Variants in DMD observed in about 807,000 individuals in gnomAD.
The protein encoded by DMD is dystrophin, also known as mutant dystrophin.
A neutral mutation model predicts 330.1 loss-of-function variants in DMD; 63 were observed. The ratio of observed to expected loss-of-function variants is 0.19; its 90% CI spans 0.16 to 0.24. The LOEUF is 0.24. Among genes scored for constraint, DMD ranks in the 10% least tolerant of loss-of-function variants. The probability of loss-of-function intolerance (pLI) is 1.00; values close to 1 mark genes in which losing one functional copy is unlikely to be tolerated. For synonymous variants in DMD, 1,223 were observed against 959.8 expected (o/e 1.27, Z -5.07); for missense variants, 3,344 against 2,684.1 (o/e 1.25, Z -5.43).
At chrX:32,604,059 G>C (rs2056460508) in intron 12 of DMD, among the ~76,000 whole-genome samples, 1 of 110,428 alleles carries the variant, frequency 9.1e-6, no homozygotes, top group Non-Finnish European at 1.9e-5. Flanking sequence ...GGAAACCACA[G>C]GCCAATATCC....
intron 50 of DMD, among the ~76,000 whole-genome samples, chrX:31,781,721 G>A (rs1269855117): frequency 9.0e-6 from 1 of 111,077 alleles, no homozygotes; most frequent in Admixed American, 9.6e-5. Context: ...TGACATTTTT[G>A]TCCCAGATAA....
chrX:31,310,224 TA>T (rs2055389557), intron 62 of DMD, among the ~76,000 whole-genome samples: 1 of 108,571 alleles, frequency 9.2e-6, no homozygotes, highest in African/African-American at 3.4e-5. Flanking sequence ...TATATATATA[TA>T]TGTGTGTGTG....
At chrX:32,539,409 G>A (rs898898169) in intron 17 of DMD, among the ~76,000 whole-genome samples, 1 of 110,519 alleles carries the variant, frequency 9.0e-6, no homozygotes, top group African/African-American at 3.3e-5. Context: ...AAAAAAAGAA[G>A]CAAATCATCT....
At chrX:32,885,827 G>GTA (rs1557115361) in intron 2 of DMD, among the ~76,000 whole-genome samples, 2 of 64,942 alleles carry the variant, frequency 3.1e-5, no homozygotes, top group Non-Finnish European at 2.8e-5. Context: ...CCTTGAGGGG[G>GTA]AAAAAAAAAA....
intron 1 of DMD, among the ~76,000 whole-genome samples, chrX:33,085,179 T>G (rs2094986623): frequency 8.9e-6 from 1 of 111,779 alleles, no homozygotes; most frequent in South Asian, 3.8e-4. Context: ...GGAAATAACT[T>G]GTTTGGTGAA....
intron 17 of DMD, among the ~76,000 whole-genome samples, chrX:32,532,927 T>A (rs1015606477): frequency 1.8e-5 from 2 of 112,348 alleles, no homozygotes; most frequent in African/African-American, 6.5e-5. Context: ...GGGACAAATA[T>A]GGTCTGCCAT....
At chrX:32,676,970 TAA>T (rs1158062179) in intron 9 of DMD, among the ~76,000 whole-genome samples, 1 of 111,867 alleles carries the variant, frequency 8.9e-6, no homozygotes, top group Non-Finnish European at 1.9e-5. Context: ...AAAATATATG[TAA>T]GAGTTTTTCA....
chrX:33,299,790 G>T (rs2053636231), intron 1 of DMD, among the ~76,000 whole-genome samples: 1 of 111,714 alleles, frequency 9.0e-6, no homozygotes, highest in African/African-American at 3.3e-5. Flanking sequence ...ATTACAGTTT[G>T]AATAAATTTT....
chrX:32,259,962 C>A (rs1202332538), intron 43 of DMD, among the ~76,000 whole-genome samples: 1 of 111,520 alleles, frequency 9.0e-6, no homozygotes, highest in African/African-American at 3.3e-5. Flanking sequence ...AGCATCTGAG[C>A]AGGGCATGGA....
chrX:33,287,232 T>C (rs1193452004), intron 1 of DMD, among the ~76,000 whole-genome samples: 1 of 111,555 alleles, frequency 9.0e-6, no homozygotes, highest in Non-Finnish European at 1.9e-5. Flanking sequence ...GATATGGATC[T>C]AATTAATACA....
intron 37 of DMD, among the ~76,000 whole-genome samples, chrX:32,349,513 A>G (rs1311965696): frequency 1.8e-5 from 2 of 111,358 alleles, no homozygotes; most frequent in Non-Finnish European, 3.8e-5. Flanking sequence ...TTTTGCCAAG[A>G]CGATTACATT....
chrX:31,737,651 C>A (rs188491996), intron 51 of DMD, among the ~76,000 whole-genome samples: 1 of 112,289 alleles, frequency 8.9e-6, no homozygotes, highest in East Asian at 2.8e-4. Flanking sequence ...TATTGGTCAA[C>A]CTCCTAGGGT....
At chrX:31,511,421 C>T (rs1411278607) in intron 55 of DMD, among the ~76,000 whole-genome samples, 93 of 102,830 alleles carry the variant, frequency 9.0e-4, no homozygotes, top group Non-Finnish European at 1.6e-3. Flanking sequence ...CATGCTGGTG[C>T]GCTGCACCCA....
rs775475516 is a variant in DMD, at chrX:32,709,654, T to G, written c.650-10361A>C. 9.9e-5 allele frequency among the ~76,000 whole-genome samples: 11 copies of G among 111,404 alleles called. No individual in the cohort carries two copies. In the South Asian group the frequency reaches 4.2e-3, roughly 42 times the overall value. On this transcript the variant is annotated intron_variant, in intron 7 of 78. Transcript: ENST00000357033. ...ATATTTGGTGCTCTTTTACCTAAAA[T>G]AATTTCTCTTTTTGCATTTTTGATT...
chrX:33,261,227 A>G (rs984148256), intron 1 of DMD, among the ~76,000 whole-genome samples: 1 of 111,327 alleles, frequency 9.0e-6, no homozygotes, highest in Non-Finnish European at 1.9e-5. Context: ...ATTAAATATA[A>G]AACATTTAAA....
chrX:32,958,978 G>A (rs2091751017), intron 2 of DMD, among the ~76,000 whole-genome samples: 1 of 108,656 alleles, frequency 9.2e-6, no homozygotes, highest in African/African-American at 3.3e-5. Flanking sequence ...GATGAGGGGT[G>A]TGTTATTTTT....
intron 1 of DMD, among the ~76,000 whole-genome samples, chrX:33,227,883 G>T (rs1237663891): frequency 9.0e-6 from 1 of 111,256 alleles, no homozygotes; most frequent in African/African-American, 3.3e-5. Flanking sequence ...AAGCCTGAGA[G>T]TCAGAGCCTG....
chrX:31,483,496 G>A (rs910893912), intron 57 of DMD, among the ~76,000 whole-genome samples: 6 of 112,460 alleles, frequency 5.3e-5, no homozygotes, highest in Non-Finnish European at 7.5e-5. Flanking sequence ...GAGAGACCAC[G>A]TGTTTGCCCA....
At chrX:32,084,271 G>C (rs2096414977) in intron 44 of DMD, among the ~76,000 whole-genome samples, 1 of 110,628 alleles carries the variant, frequency 9.0e-6, no homozygotes, top group South Asian at 3.8e-4. Flanking sequence ...TGTGTTGAGG[G>C]GTCATTTGTG....
Sources: allele counts gnomAD v4.1 joint callset (sites outside exome capture counted in the v4.1 genomes callset), GRCh38; gene constraint gnomAD v4.1.1; transcripts MANE v1.5; gene names NCBI Gene and HGNC (gene_info 2026-07-23, HGNC 2026-07-21).